The following RASGEF1A variants were observed in gnomAD, a reference collection of about 807,000 sequenced individuals.
The protein encoded by RASGEF1A is RasGEF domain family member 1A.
RASGEF1A carries 18 observed loss-of-function variants against 56.4 expected under a neutral mutation model. The observed-to-expected ratio is 0.32, with a 90% CI of 0.22 to 0.47. The LOEUF is 0.47. RASGEF1A is among the 20% of genes least tolerant of loss of function. RASGEF1A has a pLI of 1.00. For synonymous variants in RASGEF1A, 245 were observed against 242.6 expected, an observed-to-expected ratio of 1.01 and a Z score of -0.09; for missense variants, 422 against 627.1, an observed-to-expected ratio of 0.67 and a Z score of 3.49.
chr10:43,206,442 C>T (rs751317340), intron 1 of RASGEF1A, among the ~76,000 whole-genome samples: 11 of 152,230 alleles, frequency 7.2e-5, no homozygotes, highest in Non-Finnish European at 1.5e-4. Flanking sequence ...CTGCGGTGGG[C>T]AGTCAGGGCT....
intron 3 of RASGEF1A, among the ~76,000 whole-genome samples, chr10:43,202,336 C>G (rs114432238): frequency 0.021 from 3,193 of 152,322 alleles, 111 homozygotes; most frequent in African/African-American, 0.072. Flanking sequence ...AGGGCGACAG[C>G]GCTGAAAGGG....
chr10:43,214,884 C>T (rs1840113156), intron 1 of RASGEF1A, among the ~76,000 whole-genome samples: 1 of 152,148 alleles, frequency 6.6e-6, no homozygotes, highest in Non-Finnish European at 1.5e-5. Flanking sequence ...GGGAGACAGC[C>T]CGGAGAGGCC....
At chr10:43,231,638 C>T (rs1328464799) in intron 1 of RASGEF1A, among the ~76,000 whole-genome samples, 1 of 152,286 alleles carries the variant, frequency 6.6e-6, no homozygotes, top group East Asian at 1.9e-4. Context: ...GAATGGGGCC[C>T]TTGCCCCCAT....
In RASGEF1A at chr10:43,196,443, T is replaced by G; in HGVS notation, c.1421+33A>C. On this transcript the variant is annotated intron_variant, in intron 12 of 12. Transcript: ENST00000395810. The surrounding 1 kb of genome is among the most constrained non-coding windows in gnomAD (Gnocchi z 4.6). ...GCCCACCCTGAGTCCTCCCTCTTCC[T>G]TACAGACTCCCATGTTCCTGACGCC... 6.2e-7 allele frequency: 1 copy of G among 1,607,100 alleles called. No individual in the cohort carries two copies. The highest frequency in any genetic ancestry group is 1.1e-5 in the South Asian group (1 of 90,962).
chr10:43,256,991 G>A (rs1485928267), intron 1 of RASGEF1A, among the ~76,000 whole-genome samples: 1 of 152,116 alleles, frequency 6.6e-6, no homozygotes, highest in Non-Finnish European at 1.5e-5. Context: ...GCTCATTTCT[G>A]TCTATTTTTA....
Position 43,196,714 on chromosome 10 carries a change from T to C in RASGEF1A, c.1349-166A>G, listed in dbSNP as rs988819994. Among the ~76,000 whole-genome samples the C allele has an allele frequency of 1.3e-5, 2 of 152,204 alleles. No homozygotes were observed. Among genetic ancestry groups the C allele is most frequent in the African/African-American group, 4.8e-5 (2 of 41,446 alleles). On this transcript the variant is annotated intron_variant, in intron 11 of 12. Coordinates refer to ENST00000395810, the MANE Select transcript of RASGEF1A (RefSeq NM_145313.4). The surrounding 1 kb of genome is among the most constrained non-coding windows in gnomAD (Gnocchi z 4.6). ...CTCTCAGGCTGCCTGTTGGGGACTC[T>C]AGGAAGGTTCCTCGTGTTGCAGCAC...
chr10:43,256,202 G>GAT (rs1840687406), intron 1 of RASGEF1A, among the ~76,000 whole-genome samples: 1 of 152,030 alleles, frequency 6.6e-6, no homozygotes, highest in Non-Finnish European at 1.5e-5. Context: ...GATGCTGAGG[G>GAT]GGCCTGGAGC....
intron 1 of RASGEF1A, among the ~76,000 whole-genome samples, chr10:43,209,665 T>C (rs1840039461): frequency 1.3e-5 from 2 of 149,340 alleles, no homozygotes; most frequent in African/African-American, 4.9e-5. Flanking sequence ...GTTTGGGCAC[T>C]GTGGAGAGCT....
chr10:43,244,981 G>C (rs1201975902), intron 1 of RASGEF1A, among the ~76,000 whole-genome samples: 1 of 151,734 alleles, frequency 6.6e-6, no homozygotes, highest in African/African-American at 2.4e-5. Context: ...AAATGAAATA[G>C]AGAGTAAAAA....
At chr10:43,249,739 AGCTGGGAAGGCCT>A (rs1168582496) in intron 1 of RASGEF1A, among the ~76,000 whole-genome samples, 1 of 152,200 alleles carries the variant, frequency 6.6e-6, no homozygotes, top group Non-Finnish European at 1.5e-5. Context: ...AGAAGGAGCC[AGCTGGGAAGGCCT>A]GTGGTCAGGA....
chr10:43,205,631 C>T (rs551545465), intron 2 of RASGEF1A, among the ~76,000 whole-genome samples: 5 of 152,312 alleles, frequency 3.3e-5, no homozygotes, highest in African/African-American at 4.8e-5. Context: ...GGGCCCTGCT[C>T]GGCCCTTGTG....
chr10:43,249,635 C>T (rs1840604895), intron 1 of RASGEF1A, among the ~76,000 whole-genome samples: 2 of 152,216 alleles, frequency 1.3e-5, no homozygotes, highest in Admixed American at 6.5e-5. Flanking sequence ...AGTGTCTGCA[C>T]ACAGCTCGGG....
At chr10:43,252,772 G>C (rs1463745318) in intron 1 of RASGEF1A, among the ~76,000 whole-genome samples, 1 of 152,094 alleles carries the variant, frequency 6.6e-6, no homozygotes, top group East Asian at 1.9e-4. Context: ...CTCCACAGAG[G>C]CTTGCAGGCT....
intron 1 of RASGEF1A, among the ~76,000 whole-genome samples, chr10:43,214,096 A>G (rs1454766487): frequency 6.6e-6 from 1 of 152,102 alleles, no homozygotes; most frequent in African/African-American, 2.4e-5. Context: ...CCTTCCCTCC[A>G]TTCAAACTGC....
chr10:43,266,759 G>A (rs1275643363), intron 1 of RASGEF1A, 86 bp downstream of exon 1: 2 of 145,530 alleles, frequency 1.4e-5, no homozygotes, highest in Non-Finnish European at 3.1e-5. Flanking sequence ...CGCACGCCGC[G>A]CCCTGCCCGC....
chr10:43,235,044 C>T (rs1210514999), intron 1 of RASGEF1A, among the ~76,000 whole-genome samples: 1 of 152,230 alleles, frequency 6.6e-6, no homozygotes, highest in Non-Finnish European at 1.5e-5. Flanking sequence ...GGCAGCCAAC[C>T]CTGTCCCTTG....
At position 43,199,712 on chromosome 10, in the gene RASGEF1A, G is replaced by A. The variant is rs766555953; in HGVS notation, c.813C>T (p.Asn271=). Residue 271 remains asparagine (N), a synonymous_variant, in exon 7 of 13, where the codon AAC becomes AAT. Transcript: ENST00000395810. ...CAGTGGCCACCAGCATGCTCAGGCA[G>A]TTGAACCAGTTGTCATAGGCCTCCA... ...YSLEAYDNWF[N]CLSMLVATEV... 3.1e-6 allele frequency: 5 copies of A among 1,613,756 alleles called. No individual in the cohort carries two copies. The highest frequency in any genetic ancestry group is 1.1e-5 in the South Asian group (1 of 91,086).
intron 1 of RASGEF1A, among the ~76,000 whole-genome samples, chr10:43,245,491 A>G (rs1259646409): frequency 6.6e-6 from 1 of 152,216 alleles, no homozygotes; most frequent in African/African-American, 2.4e-5. Context: ...ACTATAAACC[A>G]ATATAAACCA....
intron 1 of RASGEF1A, among the ~76,000 whole-genome samples, chr10:43,249,536 G>A (rs1196455314): frequency 1.3e-5 from 2 of 152,220 alleles, no homozygotes; most frequent in Admixed American, 6.5e-5. Flanking sequence ...CCCCATTGCT[G>A]TTGGCTGGCT....
Sources: allele counts gnomAD v4.1 joint callset (sites outside exome capture counted in the v4.1 genomes callset), GRCh38; gene constraint gnomAD v4.1.1; non-coding constraint Gnocchi (gnomAD v3.1); transcripts MANE v1.5; gene names NCBI Gene and HGNC (gene_info 2026-07-23, HGNC 2026-07-21).